PSMA4: variants seen among roughly 807,000 people sequenced by gnomAD.
PSMA4 encodes proteasome 20S subunit alpha 4, also known as proteasome subunit alpha type-4.
In PSMA4, 8 loss-of-function variants were observed where a neutral mutation model predicts 37.2. The observed-to-expected ratio is 0.22, with a 90% CI of 0.13 to 0.39. The LOEUF (loss-of-function observed/expected upper bound fraction) is 0.39. Ranked by LOEUF, PSMA4 falls within the 10% of genes least tolerant of loss-of-function variation. The pLI is 1.00. For synonymous variants in PSMA4, 93 were observed against 98.8 expected, an observed-to-expected ratio of 0.94 and a Z score of 0.35; for missense variants, 169 against 305.1, an observed-to-expected ratio of 0.55 and a Z score of 3.32.
chr15:78,550,746 C>G lies in PSMA4; in HGVS notation c.*1802C>G, dbSNP rs2052631731. On this transcript the variant is annotated 3_prime_UTR_variant, in exon 9 of 9. Transcript: ENST00000044462. ...CAGGAACACTTACACGGTGTGAGAG[C>G]TGAAACAAGAATTCAGAGTGTCGCC... 6.6e-6 allele frequency: 1 copy of G among 152,076 alleles called. No individual in the cohort carries two copies. Among genetic ancestry groups the G allele is most frequent in the Non-Finnish European group, 1.5e-5 (1 of 68,028 alleles). 9.4% of individuals were successfully genotyped at this position (152,076 alleles called of 1,614,324 possible).
Position 78,544,847 on chromosome 15 carries a change from T to A in PSMA4, c.288-22T>A, listed in dbSNP as rs2052523297. The stretch of plus-strand genomic sequence containing the variant: ...TCTGTGTTTTAGAGAAAACTACTAA[T>A]GTGCCCATCTCTTTATCCTAGGTAT... On this transcript the variant is annotated intron_variant, in intron 5 of 8. Transcript: ENST00000044462. 4.0e-6 allele frequency: 6 copies of A among 1,504,954 alleles called. No homozygotes were observed. In the East Asian group the frequency reaches 1.4e-4, roughly 34 times the overall value. The allele number at this position is 1,504,954 out of a possible 1,614,324, so 93.2% of individuals were successfully genotyped here.
intron 8 of PSMA4, 47 bp from the exon 9 acceptor site, chr15:78,548,743 A>G (rs1357278035): frequency 1.9e-6 from 3 of 1,577,976 alleles, no homozygotes; most frequent in African/African-American, 1.4e-5. Context: ...TCTGCTAAGT[A>G]TGCCTGCCTG....
Position 78,551,471 on chromosome 15 carries a change from G to A in PSMA4, c.*2527G>A, listed in dbSNP as rs1263764105. 1.3e-5 allele frequency: 2 copies of A among 151,672 alleles called. No homozygotes were observed. The highest frequency in any genetic ancestry group is 2.9e-5 in the Non-Finnish European group (2 of 68,046). The allele number at this position is 151,672 out of a possible 1,614,324, so 9.4% of individuals were successfully genotyped here. ...CTCATCTCCAGGTCTCTGCTTGCATGTCACCTTTTTTGGGGTACTTCTGTG... is the reference window on the plus strand; with the variant it reads ...CTCATCTCCAGGTCTCTGCTTGCATATCACCTTTTTTGGGGTACTTCTGTG... On this transcript the variant is annotated 3_prime_UTR_variant, in exon 9 of 9. Transcript: ENST00000044462.
Position 78,541,863 on chromosome 15 carries a change from T to C in PSMA4, c.-23-42T>C, listed in dbSNP as rs1343955462. The C allele has an allele frequency of 2.0e-6, 3 of 1,474,744 alleles. No homozygotes were observed. In the African/African-American group the frequency reaches 4.2e-5, roughly 21 times the overall value. 91.4% of individuals were successfully genotyped at this position (1,474,744 alleles called of 1,614,324 possible). A position where few individuals can be genotyped will look rare whatever the true frequency, so the allele number is the denominator to read the frequency against. On this transcript the variant is annotated intron_variant, in intron 1 of 8. Coordinates refer to ENST00000044462, the MANE Select transcript of PSMA4 (RefSeq NM_002789.6). ...TAAAGTCAGCAAATGCTTTTTAATT[T>C]GTGAATCTTATTTTAATGATGATCT... is the stretch of plus-strand genomic sequence containing the variant.
intron 5 of PSMA4, 181 bp from the exon 6 acceptor site, chr15:78,544,688 C>A: frequency 4.1e-6 from 2 of 488,628 alleles, no homozygotes; most frequent in Non-Finnish European, 7.2e-6. Context: ...TTTTTTCAAC[C>A]AAACTTACAA....
At chr15:78,540,980 C>T (rs1338973059) in intron 1 of PSMA4, 1 of 152,352 alleles carries the variant, frequency 6.6e-6, no homozygotes, top group Non-Finnish European at 1.5e-5. Context: ...CCCTGCTTCT[C>T]TGCTCTGTGC....
chr15:78,548,491 G>A (rs530005483), intron 8 of PSMA4, among the ~76,000 whole-genome samples: 3 of 152,214 alleles, frequency 2.0e-5, no homozygotes, highest in South Asian at 4.1e-4. Context: ...CAACAGTTCC[G>A]TCTAATCAGC....
chr15:78,547,814 G>A (rs1271301370), intron 8 of PSMA4, among the ~76,000 whole-genome samples: 3 of 151,964 alleles, frequency 2.0e-5, no homozygotes, highest in Non-Finnish European at 4.4e-5. Flanking sequence ...TCCAGCGTGG[G>A]TGACAGAGAG....
Position 78,542,203 on chromosome 15 carries a change from T to C in PSMA4, c.30T>C (p.Thr10=), listed in dbSNP as rs762564714. MSRRYDSRT[T]IFSPEGRLYQ... is the part of the protein sequence containing the mutation. Reference sequence around the variant, plus strand: ...CTCGAAGATATGACTCCAGGACCACTATATTTTCTCCAGAAGGTAAAATAG... The same window carrying C: ...CTCGAAGATATGACTCCAGGACCACCATATTTTCTCCAGAAGGTAAAATAG... Residue 10 remains threonine, a synonymous_variant, in exon 3 of 9, where the codon ACT becomes ACC. Coordinates refer to ENST00000044462, the MANE Select transcript of PSMA4 (RefSeq NM_002789.6). 1 of 1,605,982 alleles carries C rather than the reference T, an allele frequency of 6.2e-7. No individual in the cohort carries two copies. Among genetic ancestry groups the C allele is most frequent in the East Asian group, 2.2e-5 (1 of 44,840 alleles).
chr15:78,542,232 T>A lies in PSMA4; in HGVS notation c.46+13T>A. On this transcript the variant is annotated intron_variant, in intron 3 of 8. Coordinates refer to ENST00000044462, the MANE Select transcript of PSMA4 (RefSeq NM_002789.6). ...TTTTCTCCAGAAGGTAAAATAGAAA[T>A]TGTTTAATCTGCCTCAAGTTTAAAA... 6.3e-7 allele frequency: 1 copy of A among 1,586,116 alleles called. No individual in the cohort carries two copies. Among genetic ancestry groups the A allele is most frequent in the Non-Finnish European group, 8.6e-7 (1 of 1,169,546 alleles).
intron 8 of PSMA4, 42 bp from the exon 9 acceptor site, chr15:78,548,748 T>G: frequency 1.9e-6 from 3 of 1,582,414 alleles, no homozygotes; most frequent in Non-Finnish European, 2.6e-6. Context: ...TAAGTATGCC[T>G]GCCTGCCTGC....
At chr15:78,541,665 C>T in intron 1 of PSMA4, 1 of 487,038 alleles carries the variant, frequency 2.1e-6, no homozygotes, top group Non-Finnish European at 3.6e-6. Flanking sequence ...CATCCCTTTT[C>T]CCACCCTACC....
chr15:78,545,830 G>T (rs2052542732), intron 7 of PSMA4, 66 bp downstream of exon 7: 5 of 1,533,736 alleles, frequency 3.3e-6, no homozygotes, highest in South Asian at 2.3e-5. Flanking sequence ...TTTTGCCATG[G>T]TGATGAATGT....
At chr15:78,542,411 C>G in intron 3 of PSMA4, 72 bp from the exon 4 acceptor site, 1 of 1,534,590 alleles carries the variant, frequency 6.5e-7, no homozygotes. Flanking sequence ...TGCTTCATTG[C>G]TGATTTCTTT....
Position 78,548,913 on chromosome 15 carries a change from A to G in PSMA4, c.755A>G (p.Lys252Arg). ...EEEAKAEREK[K>R]EKEQKEKDK ...GAAGCCAAAGCTGAGCGTGAGAAGAAAGAAAAAGAACAGAAAGAAAAGGAT... is the reference window on the plus strand; with the variant it reads ...GAAGCCAAAGCTGAGCGTGAGAAGAGAGAAAAAGAACAGAAAGAAAAGGAT... The change falls in exon 9 of 9, where the codon AAA (lysine) becomes AGA (arginine). Residue 252 changes from lysine (K) to arginine (R), a missense_variant. Physicochemically the swap from Lys to Arg is conservative, Grantham distance 26. This residue lies in a region of PSMA4 where 90 missense variants were observed against 92.7 expected (regional missense o/e 0.97). Coordinates refer to ENST00000044462, the MANE Select transcript of PSMA4 (RefSeq NM_002789.6). The G allele has an allele frequency of 1.2e-6, 2 of 1,609,748 alleles. No homozygotes were observed. The highest frequency in any genetic ancestry group is 2.2e-5 in the South Asian group (2 of 89,750).
Position 78,551,040 on chromosome 15 carries a change from C to T in PSMA4, c.*2096C>T, listed in dbSNP as rs1304871150. ...CTGTCTGCAGAATTTACCCATAATC[C>T]AGCCACTTTCCACTGCAGGAACGCT... On this transcript the variant is annotated 3_prime_UTR_variant, in exon 9 of 9. Coordinates refer to ENST00000044462, the MANE Select transcript of PSMA4 (RefSeq NM_002789.6). 2 of 152,120 alleles carry T rather than the reference C, an allele frequency of 1.3e-5. No homozygotes were observed. The highest frequency in any genetic ancestry group is 4.8e-5 in the African/African-American group (2 of 41,400). The allele number at this position is 152,120 out of a possible 1,614,324, so 9.4% of individuals were successfully genotyped here.
Position 78,548,992 on chromosome 15 carries a change from C to A in PSMA4, c.*48C>A. On this transcript the variant is annotated 3_prime_UTR_variant, in exon 9 of 9. Transcript: ENST00000044462. The stretch of plus-strand genomic sequence containing the variant: ...TTGGGGCACCATTTCAGTGTAAAAG[C>A]AGTCCTACTCTTCCACACTAGGAAG... 1.3e-6 allele frequency: 2 copies of A among 1,557,812 alleles called. No homozygotes were observed. The highest frequency in any genetic ancestry group is 8.6e-7 in the Non-Finnish European group (1 of 1,156,752).
In PSMA4 at chr15:78,544,175, C is replaced by T. The variant is rs113334868; in HGVS notation, c.210-15C>T. ...ATCTTCCCTGCTTACAGATCAATGT[C>T]TTTTTTTCTTCAAGGGACATGGCTT... On this transcript the variant is annotated splice_polypyrimidine_tract_variant and intron_variant, in intron 4 of 8. Coordinates refer to ENST00000044462, the MANE Select transcript of PSMA4 (RefSeq NM_002789.6). 10,695 of 1,603,028 alleles carry T rather than the reference C, an allele frequency of 6.7e-3. 616 individuals carry two copies. The African/African-American group carries it at 0.12, about 19-fold the overall frequency.
intron 5 of PSMA4, 193 bp from the exon 6 acceptor site, chr15:78,544,675 GA>G: frequency 2.0e-6 from 1 of 491,598 alleles, no homozygotes; most frequent in Non-Finnish European, 3.6e-6. Flanking sequence ...GAAAATTACA[GA>G]TTTTTTTCAA....
Sources: allele counts gnomAD v4.1 joint callset (sites outside exome capture counted in the v4.1 genomes callset), GRCh38; gene constraint gnomAD v4.1.1; regional missense constraint gnomAD v4.1.1; transcripts MANE v1.5; gene names NCBI Gene and HGNC (gene_info 2026-07-23, HGNC 2026-07-21).